SPHKAP: variants seen among roughly 807,000 people sequenced by gnomAD.
The protein encoded by SPHKAP is A-kinase anchor protein SPHKAP.
Under a neutral mutation model 137.5 loss-of-function variants are expected in SPHKAP, and 67 were observed. The observed-to-expected ratio is 0.49, with a 90% CI of 0.40 to 0.60. SPHKAP has a LOEUF of 0.60. SPHKAP is among the 20% of genes least tolerant of loss of function. The pLI is 0.00. For synonymous variants in SPHKAP, 813 were observed against 785.3 expected (o/e 1.04, Z -0.59); for missense variants, 2,097 against 2,069.3 (o/e 1.01, Z -0.26).
intron 3 of SPHKAP, among the ~76,000 whole-genome samples, chr2:228,055,225 C>T (rs1368451992): frequency 1.3e-5 from 2 of 150,892 alleles, no homozygotes; most frequent in African/African-American, 4.9e-5. Flanking sequence ...CAAATTTAAG[C>T]CTATTTGTTT....
intron 3 of SPHKAP, among the ~76,000 whole-genome samples, chr2:228,078,813 G>C (rs1222840941): frequency 6.6e-6 from 1 of 152,174 alleles, no homozygotes; most frequent in Non-Finnish European, 1.5e-5. Flanking sequence ...GTAGGAGAAT[G>C]AGAGGGAAGT....
At chr2:228,027,608 A>G in intron 3 of SPHKAP, 65 bp from the exon 4 acceptor site, 1 of 1,523,582 alleles carries the variant, frequency 6.6e-7, no homozygotes, top group Non-Finnish European at 9.1e-7. Context: ...TAGAAGAAAG[A>G]AAGCAGGAAT....
intron 1 of SPHKAP, among the ~76,000 whole-genome samples, chr2:228,142,212 T>C (rs189801841): frequency 4.5e-4 from 68 of 152,202 alleles, no homozygotes; most frequent in African/African-American, 1.5e-3. Flanking sequence ...AGAGCATAAG[T>C]GTACACCATT....
At chr2:228,030,984 C>T (rs2106237830) in intron 3 of SPHKAP, among the ~76,000 whole-genome samples, 1 of 152,320 alleles carries the variant, frequency 6.6e-6, no homozygotes, top group East Asian at 1.9e-4. Context: ...TTCTGCATTT[C>T]TATCTGAGGT....
At chr2:228,025,347 C>A (rs1405006335) in intron 5 of SPHKAP, 47 bp downstream of exon 5, 1 of 1,607,012 alleles carries the variant, frequency 6.2e-7, no homozygotes, top group Non-Finnish European at 8.5e-7. Flanking sequence ...CTGTGCTGAG[C>A]TAACTATAGA....
rs567626314 is a variant in SPHKAP at position 228,000,615 on chromosome 2, A to G, written c.4449-4921T>C. ...CCTGGGAGACAGTAAGACTCCATCT[A>G]AAAAAAATAATAATAATAAAAATAA... On this transcript the variant is annotated intron_variant, in intron 7 of 11. Coordinates refer to ENST00000392056, the MANE Select transcript of SPHKAP (RefSeq NM_001142644.2). 1.3e-4 allele frequency among the ~76,000 whole-genome samples: 14 copies of G among 105,616 alleles called. No homozygotes were observed. In the South Asian group the frequency reaches 4.8e-3, roughly 37 times the overall value. 69.3% of individuals were successfully genotyped at this position (105,616 alleles called of 152,430 possible). A position where few individuals can be genotyped will look rare whatever the true frequency, so the allele number is the denominator to read the frequency against.
intron 3 of SPHKAP, chr2:228,027,931 C>G (rs1186718610): frequency 1.2e-6 from 1 of 860,484 alleles, no homozygotes; most frequent in Non-Finnish European, 1.4e-6. Context: ...ATGCCCACTC[C>G]AGCCTGGCGA....
At chr2:228,003,403 AC>A (rs1411590725) in intron 7 of SPHKAP, among the ~76,000 whole-genome samples, 1 of 152,198 alleles carries the variant, frequency 6.6e-6, no homozygotes, top group Non-Finnish European at 1.5e-5. Flanking sequence ...TGATTTTTGC[AC>A]ATTGATTTTG....
At chr2:228,028,122 A>T (rs929426632) in intron 3 of SPHKAP, 2 of 891,810 alleles carry the variant, frequency 2.2e-6, no homozygotes, top group African/African-American at 3.6e-5. Context: ...TATTAGAGCC[A>T]ATAGAACAGT....
At chr2:228,063,143 C>CCTAT (rs71043020) in intron 3 of SPHKAP, among the ~76,000 whole-genome samples, 23,482 of 145,476 alleles carry the variant, frequency 0.16, 2,153 homozygotes, top group East Asian at 0.23. Flanking sequence ...TAGATAGATC[C>CCTAT]CTATCTATCT....
At chr2:228,009,827 A>G (rs1160719514) in intron 7 of SPHKAP, among the ~76,000 whole-genome samples, 2 of 152,176 alleles carry the variant, frequency 1.3e-5, no homozygotes, top group African/African-American at 4.8e-5. Flanking sequence ...TAGGGTCTCT[A>G]CTAAGTACTG....
rs139060707 is a variant in SPHKAP, at chr2:228,067,593, A to G, written c.247-40050T>C. ...AGAGCTGTGAGTGAATTTGATTCCAATCAGGGCTCTCAGCTTTCAAATGAG... is the reference window on the plus strand; with the variant it reads ...AGAGCTGTGAGTGAATTTGATTCCAGTCAGGGCTCTCAGCTTTCAAATGAG... On this transcript the variant is annotated intron_variant, in intron 3 of 11. Transcript: ENST00000392056. Among the ~76,000 whole-genome samples the G allele has an allele frequency of 5.0e-4, 76 of 152,258 alleles. No individual in the cohort carries two copies. In the South Asian group the frequency reaches 9.3e-3, roughly 19 times the overall value.
chr2:227,982,001 TC>T (rs1693014163), intron 11 of SPHKAP, 141 bp from the exon 12 acceptor site: 4 of 1,308,794 alleles, frequency 3.1e-6, no homozygotes, highest in Non-Finnish European at 2.9e-6. Flanking sequence ...TCCGGGATAA[TC>T]TATTTTCTTT....
At chr2:228,130,558 T>G (rs1699216968) in intron 2 of SPHKAP, among the ~76,000 whole-genome samples, 1 of 152,222 alleles carries the variant, frequency 6.6e-6, no homozygotes, top group South Asian at 2.1e-4. Context: ...GATTCAATTC[T>G]TCTTTTAAAT....
At chr2:228,080,783 A>ACC (rs1559162804) in intron 3 of SPHKAP, among the ~76,000 whole-genome samples, 25 of 123,240 alleles carry the variant, frequency 2.0e-4, no homozygotes, top group African/African-American at 7.5e-4. Context: ...AAAATAAAAT[A>ACC]AAACCAAACC....
chr2:228,070,088 C>A (rs966053318), intron 3 of SPHKAP, among the ~76,000 whole-genome samples: 3 of 152,172 alleles, frequency 2.0e-5, no homozygotes, highest in Admixed American at 1.3e-4. Flanking sequence ...GTTAGGGATG[C>A]CAACCCCTGT....
intron 3 of SPHKAP, among the ~76,000 whole-genome samples, chr2:228,055,142 C>CAAAAAAAAAAAAAAA (rs58091970): frequency 5.7e-4 from 35 of 61,232 alleles, no homozygotes; most frequent in Non-Finnish European, 8.7e-4. Context: ...AACTCCACTC[C>CAAAAAAAAAAAAAAA]AAAAAAAAAA....
intron 1 of SPHKAP, among the ~76,000 whole-genome samples, chr2:228,153,039 C>T (rs904924713): frequency 1.2e-4 from 19 of 152,220 alleles, no homozygotes; most frequent in Non-Finnish European, 2.2e-4. Flanking sequence ...TCACTTGGCT[C>T]TCATTCTCTC....
chr2:227,996,238 C>CAAAA, intron 7 of SPHKAP: 4 of 502,118 alleles, frequency 8.0e-6, no homozygotes, highest in Non-Finnish European at 1.0e-5. Flanking sequence ...TGCACTTGCA[C>CAAAA]TATATTTTGT....
Sources: allele counts gnomAD v4.1 joint callset (sites outside exome capture counted in the v4.1 genomes callset), GRCh38; gene constraint gnomAD v4.1.1; transcripts MANE v1.5; gene names NCBI Gene and HGNC (gene_info 2026-07-23, HGNC 2026-07-21).